The following UGT2B17 variants were observed in gnomAD, a reference collection of about 807,000 sequenced individuals.
The protein encoded by UGT2B17 is UDP-glucuronosyltransferase 2B17.
Under a neutral mutation model 48.2 loss-of-function variants are expected in UGT2B17, and 21 were observed. The observed-to-expected ratio is 0.44, with a 90% CI of 0.31 to 0.63. The LOEUF (loss-of-function observed/expected upper bound fraction) is 0.63, where lower values mean the gene tolerates loss of function less well. UGT2B17 is among the 20% of genes least tolerant of loss of function. UGT2B17 has a pLI of 0.08. For missense variants in UGT2B17, 402 were observed against 696.1 expected, an observed-to-expected ratio of 0.58 and a Z score of 4.75; for synonymous variants, 146 against 238.4, an observed-to-expected ratio of 0.61 and a Z score of 3.57.
chr4:68,550,970 G>A (rs1730904671), intron 5 of UGT2B17, 74 bp from the exon 6 acceptor site: 1 of 1,119,566 alleles, frequency 8.9e-7, no homozygotes. Flanking sequence ...CACAATATAA[G>A]GAACTTAAAG....
Position 68,568,194 on chromosome 4 carries a change from C to A in UGT2B17, c.291G>T (p.Trp97Cys). The change falls in exon 2 of 7, where the codon TGG (tryptophan) becomes TGT (cysteine). Residue 97 changes from tryptophan (W) to cysteine (C), a missense_variant. This residue lies in a region of UGT2B17 where 84 missense variants were observed against 92.6 expected (regional missense o/e 0.91). Coordinates refer to ENST00000317746, the MANE Select transcript of UGT2B17 (RefSeq NM_001077.4). ...ATGTATTTTTTGAAATACTATATGT[C>A]CATCTATCGAACATTTTCATAAAAA... Reference protein sequence around the residue: ...EDFFMKMFDRWTYSISKNTFW... With the variant: ...EDFFMKMFDRCTYSISKNTFW... 7.3e-7 allele frequency: 1 copy of A among 1,375,156 alleles called. No individual in the cohort carries two copies. Among genetic ancestry groups the A allele is most frequent in the South Asian group, 1.6e-5 (1 of 60,936 alleles). The allele number at this position is 1,375,156 out of a possible 1,614,324, so 85.2% of individuals were successfully genotyped here.
At chr4:68,548,889 A>C (rs1449914003) in intron 6 of UGT2B17, among the ~76,000 whole-genome samples, 1 of 124,904 alleles carries the variant, frequency 8.0e-6, no homozygotes, top group African/African-American at 2.7e-5. Flanking sequence ...TTATCAGCTT[A>C]AGGAATTTTA....
In UGT2B17 at chr4:68,539,366, C is replaced by G. The variant is rs1326339707; in HGVS notation, c.1314-1462G>C. Among the ~76,000 whole-genome samples the G allele has an allele frequency of 4.0e-5, 5 of 125,286 alleles. 1 individual carries two copies. In the Admixed American group the frequency reaches 4.1e-4, roughly 10 times the overall value. 82.2% of individuals were successfully genotyped at this position (125,286 alleles called of 152,430 possible). On this transcript the variant is annotated intron_variant, in intron 6 of 6. Coordinates refer to ENST00000317746, the MANE Select transcript of UGT2B17 (RefSeq NM_001077.4). ...TTTGTTTAGCAGTTGTTTAATTGCA[C>G]TGGTGTAGAGTATTCAGTTGATTGA...
intron 1 of UGT2B17, among the ~76,000 whole-genome samples, chr4:68,572,417 C>T (rs373263687): frequency 7.9e-6 from 1 of 126,070 alleles, no homozygotes; most frequent in African/African-American, 2.7e-5. Flanking sequence ...GGGCTACATA[C>T]CTTGGATAGA....
In UGT2B17 at chr4:68,539,811, G is replaced by GTC. The variant is rs1026424434; in HGVS notation, c.1314-1909_1314-1908dup. 2.3e-4 allele frequency among the ~76,000 whole-genome samples: 23 copies of GTC among 99,288 alleles called. 5 individuals are homozygous for GTC. Among genetic ancestry groups the GTC allele is most frequent in the African/African-American group, 7.9e-4 (22 of 28,006 alleles). The allele number at this position is 99,288 out of a possible 152,430, so 65.1% of individuals were successfully genotyped here. A position where few individuals can be genotyped will look rare whatever the true frequency, so the allele number is the denominator to read the frequency against. ...TTTTTTTTTTTTTTTTTGAGACAGA[G>GTC]TCTCTCTCTGTCACCCAGGCTTGAG... On this transcript the variant is annotated intron_variant, in intron 6 of 6. Coordinates refer to ENST00000317746, the MANE Select transcript of UGT2B17 (RefSeq NM_001077.4).
At position 68,576,000 on chromosome 4, in the gene UGT2B17, G is replaced by C. The variant is rs1164978666; in HGVS notation, c.-114C>G. On this transcript the variant is annotated 5_prime_UTR_variant, in exon 1 of 7. Transcript: ENST00000317746. Reference sequence around the variant, plus strand: ...AGTGCCAGTTCCTTCCCGGTGTTCAGCCACTGTGTTAATCCTCCACGGGGG... The same window carrying C: ...AGTGCCAGTTCCTTCCCGGTGTTCACCCACTGTGTTAATCCTCCACGGGGG... 7.9e-6 allele frequency among the ~76,000 whole-genome samples: 1 copy of C among 126,626 alleles called. No individual in the cohort carries two copies. Among genetic ancestry groups the C allele is most frequent in the African/African-American group, 2.7e-5 (1 of 36,934 alleles). The allele number at this position is 126,626 out of a possible 152,430, so 83.1% of individuals were successfully genotyped here. A position where few individuals can be genotyped will look rare whatever the true frequency, so the allele number is the denominator to read the frequency against.
intron 3 of UGT2B17, among the ~76,000 whole-genome samples, chr4:68,564,294 A>ATATATATATATTTTTT (rs1366181355): frequency 1.3e-5 from 1 of 75,786 alleles, no homozygotes; most frequent in Non-Finnish European, 2.3e-5. Context: ...ATATATATAT[A>ATATATATATATTTTTT]TTTTTTTTTT....
At chr4:68,552,048 G>T in intron 4 of UGT2B17, 137 bp from the exon 5 acceptor site, 1 of 582,910 alleles carries the variant, frequency 1.7e-6, no homozygotes, top group Non-Finnish European at 2.4e-6. Flanking sequence ...CAAGTAATGA[G>T]AACTACTAAA....
chr4:68,557,956 C>A (rs1341174233), intron 4 of UGT2B17, among the ~76,000 whole-genome samples: 2 of 124,454 alleles, frequency 1.6e-5, no homozygotes, highest in Admixed American at 8.3e-5. Flanking sequence ...TATTTTGGAA[C>A]CCCAAGAGGA....
At chr4:68,547,793 G>A (rs1282360095) in intron 6 of UGT2B17, among the ~76,000 whole-genome samples, 1 of 126,706 alleles carries the variant, frequency 7.9e-6, no homozygotes, top group Non-Finnish European at 1.7e-5. Flanking sequence ...CTCAAAAGAA[G>A]ACATTTAGGC....
chr4:68,575,833 C>T (rs1731364499), intron 1 of UGT2B17, among the ~76,000 whole-genome samples, 118 bp downstream of exon 1: 1 of 124,648 alleles, frequency 8.0e-6, no homozygotes, highest in Non-Finnish European at 1.7e-5. Context: ...AAAGACTAGT[C>T]CTACCAAGTC....
rs2109760467 is a variant in UGT2B17 at position 68,544,032 on chromosome 4, C to G, written c.1314-6128G>C. 1.6e-5 allele frequency among the ~76,000 whole-genome samples: 2 copies of G among 126,358 alleles called. 1 individual carries two copies. The highest frequency in any genetic ancestry group is 7.4e-4 in the South Asian group (2 of 2,718). The allele number at this position is 126,358 out of a possible 152,430, so 82.9% of individuals were successfully genotyped here. On this transcript the variant is annotated intron_variant, in intron 6 of 6. Transcript: ENST00000317746. ...TGCAGGTTATCATCCAGGAGAGCTTCCCCAATCTAGCAAGGCAGGCTGACA... is the reference window on the plus strand; with the variant it reads ...TGCAGGTTATCATCCAGGAGAGCTTGCCCAATCTAGCAAGGCAGGCTGACA...
Position 68,537,432 on chromosome 4 carries a change from A to G in UGT2B17, c.*193T>C. ...TATATTATTATTTTTCATAGCTTAA[A>G]AATCATTGACATAGAATAATTCCAA... On this transcript the variant is annotated 3_prime_UTR_variant, in exon 7 of 7. Coordinates refer to ENST00000317746, the MANE Select transcript of UGT2B17 (RefSeq NM_001077.4). 2.3e-6 allele frequency: 1 copy of G among 443,242 alleles called. No individual in the cohort carries two copies. Among genetic ancestry groups the G allele is most frequent in the South Asian group, 9.3e-5 (1 of 10,794 alleles). 27.5% of individuals were successfully genotyped at this position (443,242 alleles called of 1,614,324 possible).
intron 3 of UGT2B17, among the ~76,000 whole-genome samples, chr4:68,561,221 C>G (rs1362377813): frequency 8.2e-6 from 1 of 122,624 alleles, no homozygotes; most frequent in Admixed American, 8.5e-5. Flanking sequence ...CTTTAGCTCT[C>G]TAACCCTTTA....
At chr4:68,573,083 T>C (rs1394650532) in intron 1 of UGT2B17, among the ~76,000 whole-genome samples, 1 of 127,744 alleles carries the variant, frequency 7.8e-6, no homozygotes, top group Non-Finnish European at 1.7e-5. Context: ...TGTCCTTTGG[T>C]ATTTATTAAA....
Position 68,574,782 on chromosome 4 carries a change from A to C in UGT2B17, c.-65+1169T>G, listed in dbSNP as rs555619800. Among the ~76,000 whole-genome samples, 31 of 126,268 alleles carry C rather than the reference A, an allele frequency of 2.5e-4. 8 individuals are homozygous for C. The highest frequency in any genetic ancestry group is 8.4e-4 in the African/African-American group (31 of 36,956). The allele number at this position is 126,268 out of a possible 152,430, so 82.8% of individuals were successfully genotyped here. ...AAATTATGCAACATTTTTTGCATAAAATTTTTTATAACTTTTTTTCACGAC... is the reference window on the plus strand; with the variant it reads ...AAATTATGCAACATTTTTTGCATAACATTTTTTATAACTTTTTTTCACGAC... On this transcript the variant is annotated intron_variant, in intron 1 of 6. Coordinates refer to ENST00000317746, the MANE Select transcript of UGT2B17 (RefSeq NM_001077.4).
At chr4:68,555,620 C>A (rs1455184899) in intron 4 of UGT2B17, among the ~76,000 whole-genome samples, 1 of 125,674 alleles carries the variant, frequency 8.0e-6, no homozygotes, top group Non-Finnish European at 1.7e-5. Flanking sequence ...GACTACCACA[C>A]TTTTCACAAA....
Position 68,537,408 on chromosome 4 carries a change from A to G in UGT2B17, c.*217T>C. On this transcript the variant is annotated 3_prime_UTR_variant, in exon 7 of 7. Transcript: ENST00000317746. ...TTTCAATATAAGCCCATAAGGTTTT[A>G]TATTATTATTTTTCATAGCTTAAAA... The G allele has an allele frequency of 2.6e-6, 1 of 377,448 alleles. No homozygotes were observed. Among genetic ancestry groups the G allele is most frequent in the Admixed American group, 5.0e-5 (1 of 20,144 alleles). The allele number at this position is 377,448 out of a possible 1,614,324, so 23.4% of individuals were successfully genotyped here. A position where few individuals can be genotyped will look rare whatever the true frequency, so the allele number is the denominator to read the frequency against.
chr4:68,540,827 T>C (rs1286319201), intron 6 of UGT2B17, among the ~76,000 whole-genome samples: 2 of 124,514 alleles, frequency 1.6e-5, no homozygotes, highest in Non-Finnish European at 3.4e-5. Flanking sequence ...CCCGGTGTGT[T>C]TTGCTCCCCT....
Sources: allele counts gnomAD v4.1 joint callset (sites outside exome capture counted in the v4.1 genomes callset), GRCh38; gene constraint gnomAD v4.1.1; regional missense constraint gnomAD v4.1.1; transcripts MANE v1.5; gene names NCBI Gene and HGNC (gene_info 2026-07-23, HGNC 2026-07-21).